Variants in UNC5C observed in about 807,000 individuals in gnomAD.
The protein encoded by UNC5C is netrin receptor UNC5C.
Under a neutral mutation model 99.8 loss-of-function variants are expected in UNC5C, and 47 were observed. The ratio of observed to expected loss-of-function variants is 0.47; its 90% CI spans 0.37 to 0.60. The LOEUF is 0.60. UNC5C is among the 20% of genes least tolerant of loss of function. The pLI, the probability that UNC5C is intolerant of heterozygous loss-of-function variation, is 0.00. For synonymous variants in UNC5C, 487 were observed against 452.2 expected, an observed-to-expected ratio of 1.08 and a Z score of -0.98; for missense variants, 1,062 against 1,165.9, an observed-to-expected ratio of 0.91 and a Z score of 1.30.
rs140186064 is a variant in UNC5C at position 95,474,164 on chromosome 4, A to T, written c.124+74570T>A. On this transcript the variant is annotated intron_variant, in intron 1 of 15. Transcript: ENST00000453304. ...TTTGTCTATATTGCACAAAAATGTG[A>T]TTGCATTTCTCAGAGCCAATTTGCC... is the stretch of plus-strand genomic sequence containing the variant. 7.0e-4 allele frequency among the ~76,000 whole-genome samples: 106 copies of T among 152,236 alleles called. No individual in the cohort carries two copies. In the Middle Eastern group the frequency reaches 0.024, roughly 34 times the overall value.
intron 1 of UNC5C, among the ~76,000 whole-genome samples, chr4:95,515,755 G>A (rs1018414372): frequency 2.6e-5 from 4 of 152,126 alleles, no homozygotes; most frequent in Non-Finnish European, 4.4e-5. Flanking sequence ...ATCCTAAAAC[G>A]AAGGTCAATT....
At chr4:95,357,342 A>G (rs1744243033) in intron 1 of UNC5C, among the ~76,000 whole-genome samples, 1 of 151,930 alleles carries the variant, frequency 6.6e-6, no homozygotes, top group South Asian at 2.1e-4. Context: ...GGATCTTGCT[A>G]TGCTGCCCAG....
chr4:95,368,000 C>A (rs891443254), intron 1 of UNC5C, among the ~76,000 whole-genome samples: 6 of 152,124 alleles, frequency 3.9e-5, no homozygotes, highest in African/African-American at 1.4e-4. Flanking sequence ...TGAATAGATG[C>A]TTTCACAGAT....
intron 12 of UNC5C, among the ~76,000 whole-genome samples, chr4:95,194,619 C>A (rs1737301735): frequency 6.6e-6 from 1 of 152,158 alleles, no homozygotes; most frequent in East Asian, 1.9e-4. Context: ...GAGCCTTTTT[C>A]TGCAGTCATA....
chr4:95,484,664 A>G (rs887561691), intron 1 of UNC5C, among the ~76,000 whole-genome samples: 1 of 151,978 alleles, frequency 6.6e-6, no homozygotes, highest in South Asian at 2.1e-4. Flanking sequence ...ATGCAAACAT[A>G]AAGTAGACAT....
chr4:95,228,351 A>G (rs941557657), intron 7 of UNC5C, among the ~76,000 whole-genome samples: 6 of 152,244 alleles, frequency 3.9e-5, no homozygotes, highest in Non-Finnish European at 8.8e-5. Context: ...TTTTTATGCC[A>G]TACTACATAC....
chr4:95,298,444 A>G (rs1018772097), intron 3 of UNC5C, among the ~76,000 whole-genome samples: 1 of 151,770 alleles, frequency 6.6e-6, no homozygotes, highest in Non-Finnish European at 1.5e-5. Context: ...ATGTCCTCTC[A>G]CTCACTATTC....
At position 95,385,114 on chromosome 4, in the gene UNC5C, G is replaced by C. The variant is rs748626343; in HGVS notation, c.125-49483C>G. 5.3e-4 allele frequency among the ~76,000 whole-genome samples: 80 copies of C among 152,160 alleles called. 1 individual carries two copies. The highest frequency in any genetic ancestry group is 3.3e-4 in the Admixed American group (5 of 15,270). On this transcript the variant is annotated intron_variant, in intron 1 of 15. Transcript: ENST00000453304. ...GTTCTCAACCATTAGAACAATTATGGGCACCCTGTTCATATTATCCATTCA... is the reference window on the plus strand; with the variant it reads ...GTTCTCAACCATTAGAACAATTATGCGCACCCTGTTCATATTATCCATTCA...
intron 1 of UNC5C, among the ~76,000 whole-genome samples, chr4:95,537,537 AC>A (rs1031212308): frequency 1.3e-5 from 2 of 152,198 alleles, no homozygotes; most frequent in African/African-American, 4.8e-5. Flanking sequence ...ATATGTTAGG[AC>A]GACTTACTAA....
At chr4:95,213,936 G>C (rs1028978090) in intron 10 of UNC5C, among the ~76,000 whole-genome samples, 1 of 152,192 alleles carries the variant, frequency 6.6e-6, no homozygotes, top group African/African-American at 2.4e-5. Context: ...AGCAGAAAGT[G>C]CTTTGTGATC....
Position 95,162,738 on chromosome 4 carries a change from T to C in UNC5C, c.*6496A>G, listed in dbSNP as rs966000678. 6.6e-6 allele frequency: 1 copy of C among 151,460 alleles called. No individual in the cohort carries two copies. Among genetic ancestry groups the C allele is most frequent in the Non-Finnish European group, 1.5e-5 (1 of 67,896 alleles). 9.4% of individuals were successfully genotyped at this position (151,460 alleles called of 1,614,324 possible). A position where few individuals can be genotyped will look rare whatever the true frequency, so the allele number is the denominator to read the frequency against. ...AGGGCACTCTGCCTCTGCCGGGGGG[T>C]TTTTTTAGAAAAGGAATTGCATAGA... On this transcript the variant is annotated 3_prime_UTR_variant, in exon 16 of 16. Coordinates refer to ENST00000453304, the MANE Select transcript of UNC5C (RefSeq NM_003728.4).
At chr4:95,356,209 A>AC (rs1560801770) in intron 1 of UNC5C, among the ~76,000 whole-genome samples, 6 of 106,788 alleles carry the variant, frequency 5.6e-5, no homozygotes, top group African/African-American at 1.0e-4. Flanking sequence ...AAAAAAAAAA[A>AC]AAACAAAACA....
chr4:95,267,954 T>TC, intron 4 of UNC5C, among the ~76,000 whole-genome samples: 2 of 143,446 alleles, frequency 1.4e-5, no homozygotes, highest in Admixed American at 1.4e-4. Context: ...TTGTGATTTT[T>TC]TTTTTTTTTT....
intron 1 of UNC5C, 32 bp from the exon 2 acceptor site, chr4:95,335,663 A>C (rs1367935408): frequency 1.3e-5 from 20 of 1,529,886 alleles, no homozygotes; most frequent in Non-Finnish European, 1.8e-5. Context: ...GAAGATGGTT[A>C]ACACATTGTA....
intron 7 of UNC5C, among the ~76,000 whole-genome samples, chr4:95,227,516 A>G (rs1560742287): frequency 6.6e-6 from 1 of 152,242 alleles, no homozygotes; most frequent in African/African-American, 2.4e-5. Flanking sequence ...TTGCAGGAAT[A>G]CAGACTAAAG....
At chr4:95,523,626 A>G (rs570194888) in intron 1 of UNC5C, among the ~76,000 whole-genome samples, 22 of 152,342 alleles carry the variant, frequency 1.4e-4, no homozygotes, top group African/African-American at 5.3e-4. Context: ...TTATTCTGCT[A>G]GTTTCACCAA....
chr4:95,213,409 G>C (rs2149365126), intron 10 of UNC5C, among the ~76,000 whole-genome samples: 1 of 152,314 alleles, frequency 6.6e-6, no homozygotes, highest in Middle Eastern at 3.4e-3. Flanking sequence ...CCAGAGATCT[G>C]TAAAGCAGGA....
chr4:95,423,438 A>G (rs1302989606), intron 1 of UNC5C, among the ~76,000 whole-genome samples: 1 of 152,220 alleles, frequency 6.6e-6, no homozygotes, highest in African/African-American at 2.4e-5. Context: ...AAGTAACGCC[A>G]TGGAATTACG....
intron 1 of UNC5C, among the ~76,000 whole-genome samples, chr4:95,340,166 T>C (rs1201948135): frequency 6.6e-6 from 1 of 152,118 alleles, no homozygotes; most frequent in East Asian, 1.9e-4. Flanking sequence ...AACATCAATC[T>C]AGGGAGCTTT....
Sources: allele counts gnomAD v4.1 joint callset (sites outside exome capture counted in the v4.1 genomes callset), GRCh38; gene constraint gnomAD v4.1.1; transcripts MANE v1.5; gene names NCBI Gene and HGNC (gene_info 2026-07-23, HGNC 2026-07-21).